ARID1B: variants seen among roughly 807,000 people sequenced by gnomAD.
The protein encoded by ARID1B is AT-rich interactive domain-containing protein 1B.
Under a neutral mutation model 212.3 loss-of-function variants are expected in ARID1B, and 30 were observed. The observed-to-expected ratio is 0.14, with a 90% CI of 0.11 to 0.19. ARID1B has a LOEUF of 0.19. ARID1B is among the 10% of genes least tolerant of loss of function. ARID1B has a pLI of 1.00. For missense variants in ARID1B, 2,891 were observed against 3,204.0 expected, an observed-to-expected ratio of 0.90 and a Z score of 2.36; for synonymous variants, 1,402 against 1,301.7, an observed-to-expected ratio of 1.08 and a Z score of -1.66.
rs1487301795 is a variant in ARID1B, at chr6:157,206,948, A to G, written c.6176A>G (p.His2059Arg). 2 of 1,614,234 alleles carry G rather than the reference A, an allele frequency of 1.2e-6. No homozygotes were observed. Among genetic ancestry groups the G allele is most frequent in the Admixed American group, 3.3e-5 (2 of 60,032 alleles). ...GAGACTCCTCTGTGTACCATCGCGCACTGGCAGGACTCGCTGGCTAAGCGA... is the reference window on the plus strand; with the variant it reads ...GAGACTCCTCTGTGTACCATCGCGCGCTGGCAGGACTCGCTGGCTAAGCGA... ...RDETPLCTIAHWQDSLAKRCI... is the reference protein window; with the variant it reads ...RDETPLCTIARWQDSLAKRCI... The change falls in exon 20 of 20, where the codon CAC (histidine) becomes CGC (arginine). Residue 2059 changes from histidine (H) to arginine (R), a missense_variant. Transcript: ENST00000636930. The surrounding 1 kb of genome is among the most constrained non-coding windows in gnomAD (Gnocchi z 6.8).
chr6:156,806,513 A>C (rs1226945340), intron 1 of ARID1B, among the ~76,000 whole-genome samples: 6 of 152,218 alleles, frequency 3.9e-5, no homozygotes, highest in African/African-American at 4.8e-5. Flanking sequence ...GGTTTTGCTT[A>C]ATAATACTAC....
intron 6 of ARID1B, among the ~76,000 whole-genome samples, chr6:157,130,183 A>G (rs1788448310): frequency 6.6e-6 from 1 of 152,012 alleles, no homozygotes. Flanking sequence ...AAAAAAAAAG[A>G]ATATAGTATA....
chr6:156,979,295 A>G (rs944998271), intron 4 of ARID1B, among the ~76,000 whole-genome samples: 8 of 152,224 alleles, frequency 5.3e-5, no homozygotes, highest in African/African-American at 1.7e-4. Context: ...TTTCTAGGTC[A>G]GGTTCCAGTG....
At chr6:156,933,118 A>G (rs1016153110) in intron 3 of ARID1B, among the ~76,000 whole-genome samples, 3 of 152,206 alleles carry the variant, frequency 2.0e-5, no homozygotes, top group African/African-American at 7.2e-5. Context: ...AGTTGTAATG[A>G]TCTTTTTCAG....
intron 7 of ARID1B, among the ~76,000 whole-genome samples, chr6:157,134,206 G>A (rs1225430611): frequency 6.6e-6 from 1 of 152,210 alleles, no homozygotes; most frequent in Non-Finnish European, 1.5e-5. Flanking sequence ...GCAAATAGAA[G>A]GTGAGGCCCA....
chr6:157,170,716 A>T (rs371112891), intron 9 of ARID1B, among the ~76,000 whole-genome samples: 1 of 152,066 alleles, frequency 6.6e-6, no homozygotes, highest in Non-Finnish European at 1.5e-5. Flanking sequence ...GATGGCAATG[A>T]TGGGGTATGC....
At chr6:156,930,728 A>G (rs1791627384) in intron 3 of ARID1B, among the ~76,000 whole-genome samples, 1 of 152,248 alleles carries the variant, frequency 6.6e-6, no homozygotes, top group South Asian at 2.1e-4. Flanking sequence ...AAAAAAGAAT[A>G]AAGTAGATAT....
At chr6:157,012,454 A>C (rs1277463645) in intron 4 of ARID1B, among the ~76,000 whole-genome samples, 5 of 152,214 alleles carry the variant, frequency 3.3e-5, no homozygotes, top group Non-Finnish European at 5.9e-5. Context: ...TTAGATTGAG[A>C]ATACATGATG....
At chr6:157,097,338 T>C (rs1022854612) in intron 5 of ARID1B, among the ~76,000 whole-genome samples, 1 of 152,204 alleles carries the variant, frequency 6.6e-6, no homozygotes, top group African/African-American at 2.4e-5. Context: ...TTCCCTCAAA[T>C]TCCAATATTT....
chr6:156,943,829 G>T (rs913955432), intron 4 of ARID1B: 1 of 152,154 alleles, frequency 6.6e-6, no homozygotes, highest in Non-Finnish European at 1.5e-5. Flanking sequence ...TGTAAAAATT[G>T]TGATTTGAAA....
intron 2 of ARID1B, among the ~76,000 whole-genome samples, chr6:156,856,692 TCTCTCTCTCACACACACACACACACA>T (rs1228710295): frequency 2.4e-5 from 2 of 83,482 alleles, no homozygotes; most frequent in East Asian, 6.5e-4. Context: ...TCTCTCTCTC[TCTCTCTCTCACACACACACACACACA>T]CACACACACA....
chr6:157,159,541 G>A (rs2128275049), intron 8 of ARID1B, among the ~76,000 whole-genome samples: 2 of 152,350 alleles, frequency 1.3e-5, no homozygotes, highest in South Asian at 4.1e-4. Flanking sequence ...AGTGCCAGGA[G>A]CAGAGCTGGT....
intron 18 of ARID1B, among the ~76,000 whole-genome samples, chr6:157,202,864 C>T (rs1201839672): frequency 7.0e-6 from 1 of 142,088 alleles, no homozygotes; most frequent in Non-Finnish European, 1.5e-5. Context: ...GAAATATATA[C>T]ACACACACAC....
intron 5 of ARID1B, among the ~76,000 whole-genome samples, chr6:157,088,759 C>T (rs1290229286): frequency 6.6e-6 from 1 of 152,054 alleles, no homozygotes; most frequent in African/African-American, 2.4e-5. Flanking sequence ...ATCTCTAATC[C>T]TTATATTTAA....
At chr6:157,099,050 G>A (rs556875405) in intron 5 of ARID1B, among the ~76,000 whole-genome samples, 8 of 152,200 alleles carry the variant, frequency 5.3e-5, no homozygotes, top group South Asian at 4.1e-4. Flanking sequence ...TGCAGCTTCC[G>A]CCTCTCAGGT....
chr6:156,916,670 G>A (rs1362480718), intron 3 of ARID1B, among the ~76,000 whole-genome samples: 3 of 152,060 alleles, frequency 2.0e-5, no homozygotes, highest in Non-Finnish European at 2.9e-5. Flanking sequence ...TGCATCACAT[G>A]CAGGTCTGCT....
chr6:156,987,543 G>T (rs1219408982), intron 4 of ARID1B, among the ~76,000 whole-genome samples: 2 of 152,124 alleles, frequency 1.3e-5, no homozygotes, highest in Non-Finnish European at 1.5e-5. Context: ...TGTTAGCCAG[G>T]ATGGTTTCGA....
chr6:157,196,333 T>A lies in ARID1B; in HGVS notation c.4382+18T>A, dbSNP rs1158196570. On this transcript the variant is annotated intron_variant, in intron 16 of 19. Transcript: ENST00000636930. ...GACCGAAGGTGAGTATTTTTTAAGA[T>A]GACAATATGATGATTTACTAGAAAC... The A allele has an allele frequency of 6.3e-7, 1 of 1,582,524 alleles. No individual in the cohort carries two copies. The highest frequency in any genetic ancestry group is 8.5e-7 in the Non-Finnish European group (1 of 1,171,456).
rs1794640124 is a variant in ARID1B at position 157,208,822 on chromosome 6, T to G, written c.*931T>G. On this transcript the variant is annotated 3_prime_UTR_variant, in exon 20 of 20. Transcript: ENST00000636930. ...ATTTTTTATTTTTATTTTATATATT[T>G]TTTCATTAGGGCCATATCTCCAAAA... 4.5e-6 allele frequency: 1 copy of G among 221,810 alleles called. No individual in the cohort carries two copies. The highest frequency in any genetic ancestry group is 2.2e-5 in the African/African-American group (1 of 44,496). 13.7% of individuals were successfully genotyped at this position (221,810 alleles called of 1,614,324 possible).
Sources: gnomAD v4.1 joint callset for allele counts (sites outside exome capture counted in the v4.1 genomes callset) on GRCh38, gnomAD v4.1.1 for gene constraint, Gnocchi (gnomAD v3.1) non-coding constraint, MANE v1.5 for transcripts, NCBI Gene and HGNC (gene_info 2026-07-23, HGNC 2026-07-21) for gene names.